The following ADAMTS2 variants were observed in gnomAD, a reference collection of about 807,000 sequenced individuals.
ADAMTS2 encodes A disintegrin and metalloproteinase with thrombospondin motifs 2.
A neutral mutation model predicts 123.0 loss-of-function variants in ADAMTS2; 50 were observed. The ratio of observed to expected loss-of-function variants is 0.41; its 90% confidence interval spans 0.32 to 0.51. The LOEUF (loss-of-function observed/expected upper bound fraction) is 0.51. Ranked by LOEUF, ADAMTS2 falls within the 20% of genes least tolerant of loss-of-function variation. The pLI is 0.35. For missense variants in ADAMTS2, 1,494 were observed against 1,705.2 expected, an observed-to-expected ratio of 0.88 and a Z score of 2.18; for synonymous variants, 678 against 695.4, an observed-to-expected ratio of 0.98 and a Z score of 0.39.
rs1221136449 is a variant in ADAMTS2, at chr5:179,115,713, A to G, written c.3179-1389T>C. ...GAGGAGGAAAGGGAGGGAGAAAGGG[A>G]GGGAGAAAGGCTCAGGCATTGGATG... On this transcript the variant is annotated intron_variant, in intron 21 of 21. Transcript: ENST00000251582. The surrounding 1 kb of genome is among the most constrained non-coding windows in gnomAD (Gnocchi z 4.4). Among the ~76,000 whole-genome samples the G allele has an allele frequency of 6.6e-6, 1 of 151,994 alleles. No homozygotes were observed. The highest frequency in any genetic ancestry group is 1.5e-5 in the Non-Finnish European group (1 of 68,016).
chr5:179,246,381 T>C (rs752431426), intron 3 of ADAMTS2, among the ~76,000 whole-genome samples: 1 of 152,170 alleles, frequency 6.6e-6, no homozygotes, highest in Non-Finnish European at 1.5e-5. Flanking sequence ...GTCAAAAGTA[T>C]TTAAAGGTAA....
At position 179,189,820 on chromosome 5, in the gene ADAMTS2, G is replaced by A. The variant is rs1227782114; in HGVS notation, c.892-8665C>T. Among the ~76,000 whole-genome samples, 1 of 151,192 alleles carries A rather than the reference G, an allele frequency of 6.6e-6. No individual in the cohort carries two copies. Among genetic ancestry groups the A allele is most frequent in the Non-Finnish European group, 1.5e-5 (1 of 67,814 alleles). Reference sequence around the variant, plus strand: ...TATTACTAAGTATCTTCTTAAGTTGGGGGGAGAGAATATTACAAAGTATCT... The same window carrying A: ...TATTACTAAGTATCTTCTTAAGTTGAGGGGAGAGAATATTACAAAGTATCT... On this transcript the variant is annotated intron_variant, in intron 4 of 21. Coordinates refer to ENST00000251582, the MANE Select transcript of ADAMTS2 (RefSeq NM_014244.5). This position sits in a 1 kb window ranked among gnomAD's most constrained non-coding sequence, Gnocchi z 4.2.
intron 6 of ADAMTS2, 34 bp from the exon 7 acceptor site, chr5:179,154,953 C>T (rs1182934917): frequency 6.3e-7 from 1 of 1,587,864 alleles, no homozygotes; most frequent in Non-Finnish European, 8.6e-7. Context: ...CCAGATGCTG[C>T]CATAGCCTGG....
At chr5:179,264,286 G>A (rs1008626619) in intron 3 of ADAMTS2, among the ~76,000 whole-genome samples, 6 of 152,172 alleles carry the variant, frequency 3.9e-5, no homozygotes, top group Non-Finnish European at 8.8e-5. Flanking sequence ...GTCATCCATG[G>A]GGCAGCCAGG....
intron 4 of ADAMTS2, among the ~76,000 whole-genome samples, chr5:179,193,177 G>A (rs2052470): frequency 0.21 from 31,943 of 152,056 alleles, 5,142 homozygotes; most frequent in East Asian, 0.48. Context: ...CCCTGTCCTC[G>A]CTGTGCCAAG....
At chr5:179,147,449 C>T (rs542988754) in intron 10 of ADAMTS2, among the ~76,000 whole-genome samples, 1 of 152,308 alleles carries the variant, frequency 6.6e-6, no homozygotes, top group African/African-American at 2.4e-5. Flanking sequence ...AAGAAATATC[C>T]ATGTTGGATC....
intron 3 of ADAMTS2, among the ~76,000 whole-genome samples, chr5:179,270,989 C>A (rs1766517055): frequency 6.6e-6 from 1 of 152,204 alleles, no homozygotes; most frequent in Non-Finnish European, 1.5e-5. Flanking sequence ...TCCCCGACAG[C>A]CCATTACCAA....
At chr5:179,281,379 A>C (rs977616093) in intron 2 of ADAMTS2, among the ~76,000 whole-genome samples, 30 of 152,108 alleles carry the variant, frequency 2.0e-4, no homozygotes, top group Admixed American at 1.9e-3. Flanking sequence ...GGCAACCACT[A>C]ATCTACATTC....
chr5:179,266,307 A>C (rs1389554700), intron 3 of ADAMTS2, among the ~76,000 whole-genome samples: 2 of 152,202 alleles, frequency 1.3e-5, no homozygotes, highest in Non-Finnish European at 2.9e-5. Flanking sequence ...TGTTTAAATC[A>C]GGGGTCTTGA....
chr5:179,223,774 T>C (rs762848832), intron 3 of ADAMTS2, among the ~76,000 whole-genome samples: 20 of 151,718 alleles, frequency 1.3e-4, no homozygotes, highest in Non-Finnish European at 2.1e-4. Context: ...TGTATGTGAG[T>C]CTATGGATGT....
At chr5:179,299,460 C>T (rs774592050) in intron 2 of ADAMTS2, among the ~76,000 whole-genome samples, 6 of 138,908 alleles carry the variant, frequency 4.3e-5, no homozygotes, top group South Asian at 2.5e-4. Flanking sequence ...ACCCAGGAGG[C>T]GGAGCTTGCA....
intron 5 of ADAMTS2, among the ~76,000 whole-genome samples, chr5:179,179,618 T>C (rs1259206935): frequency 2.0e-5 from 3 of 152,202 alleles, no homozygotes; most frequent in Non-Finnish European, 2.9e-5. Flanking sequence ...TTTGCCAATT[T>C]CCCCTTTGTT....
intron 2 of ADAMTS2, among the ~76,000 whole-genome samples, chr5:179,283,949 A>ATTATTT (rs1755919954): frequency 1.2e-5 from 1 of 83,476 alleles, no homozygotes; most frequent in South Asian, 2.8e-4. Flanking sequence ...TCAGATGATT[A>ATTATTT]TTATTATTAT....
At chr5:179,340,484 C>A (rs1477296188) in intron 2 of ADAMTS2, among the ~76,000 whole-genome samples, 1 of 152,160 alleles carries the variant, frequency 6.6e-6, no homozygotes, top group Non-Finnish European at 1.5e-5. Flanking sequence ...CTCCAGGAGT[C>A]AAATAAGAAA....
rs1734293176 is a variant in ADAMTS2 at position 179,307,497 on chromosome 5, C to G, written c.535-34433G>C. Among the ~76,000 whole-genome samples the G allele has an allele frequency of 6.6e-6, 1 of 152,180 alleles. No homozygotes were observed. Among genetic ancestry groups the G allele is most frequent in the African/African-American group, 2.4e-5 (1 of 41,444 alleles). ...TCCACTAATAGCACCATCACGTATGCCAGGCTGGGAGCCCGGGCGTCCCAA... is the reference window on the plus strand; with the variant it reads ...TCCACTAATAGCACCATCACGTATGGCAGGCTGGGAGCCCGGGCGTCCCAA... On this transcript the variant is annotated intron_variant, in intron 2 of 21. Transcript: ENST00000251582. This position sits in a 1 kb window ranked among gnomAD's most constrained non-coding sequence, Gnocchi z 5.6.
chr5:179,288,011 G>A (rs914329459), intron 2 of ADAMTS2, among the ~76,000 whole-genome samples: 2 of 152,246 alleles, frequency 1.3e-5, no homozygotes, highest in African/African-American at 4.8e-5. Flanking sequence ...AGTTGATGGT[G>A]AGACTCAGTG....
At chr5:179,297,550 A>G (rs752103268) in intron 2 of ADAMTS2, among the ~76,000 whole-genome samples, 22 of 151,708 alleles carry the variant, frequency 1.5e-4, no homozygotes, top group East Asian at 5.8e-4. Context: ...CCCTTCCCCA[A>G]TACGCTGAGG....
intron 3 of ADAMTS2, among the ~76,000 whole-genome samples, chr5:179,238,476 C>T (rs547812164): frequency 2.6e-5 from 4 of 152,208 alleles, no homozygotes; most frequent in Non-Finnish European, 4.4e-5. Context: ...ACAGGGTCTG[C>T]GAGTGCCAGG....
At chr5:179,190,996 A>G (rs1764292359) in intron 4 of ADAMTS2, among the ~76,000 whole-genome samples, 1 of 152,234 alleles carries the variant, frequency 6.6e-6, no homozygotes, top group East Asian at 1.9e-4. Flanking sequence ...CTTTGGGGAA[A>G]CAACAGCCAT....
Sources: allele counts gnomAD v4.1 joint callset (sites outside exome capture counted in the v4.1 genomes callset), GRCh38; gene constraint gnomAD v4.1.1; non-coding constraint Gnocchi (gnomAD v3.1); transcripts MANE v1.5; gene names NCBI Gene and HGNC (gene_info 2026-07-23, HGNC 2026-07-21).